SNW1: variants seen among roughly 807,000 people sequenced by gnomAD.
The protein encoded by SNW1 is SNW domain containing 1.
SNW1 carries 9 observed loss-of-function variants against 75.6 expected under a neutral mutation model. That is an observed-to-expected ratio of 0.12 (90% CI 0.07 to 0.21). SNW1 has a LOEUF of 0.21. Among genes scored for constraint, SNW1 ranks in the 10% least tolerant of loss-of-function variants. The pLI, the probability that SNW1 is intolerant of heterozygous loss-of-function variation, is 1.00. For synonymous variants in SNW1, 200 were observed against 219.1 expected (o/e 0.91, Z 0.77); for missense variants, 409 against 670.9 (o/e 0.61, Z 4.31).
chr14:77,738,827 C>G lies in SNW1; in HGVS notation c.484G>C (p.Ala162Pro). 7 of 1,614,192 alleles carry G rather than the reference C, an allele frequency of 4.3e-6. No individual in the cohort carries two copies. Among genetic ancestry groups the G allele is most frequent in the Non-Finnish European group, 5.9e-6 (7 of 1,180,032 alleles). Residue 162 changes from alanine to proline, a missense_variant, in exon 5 of 14, where the codon GCC becomes CCC. Ala to Pro is a conservative substitution (Grantham distance 27, BLOSUM62 -1). Coordinates refer to ENST00000261531, the MANE Select transcript of SNW1 (RefSeq NM_012245.3). ...TTGTCAGCTGCTCGAACTGGCATGG[C>G]TGCGGCGACCTTCTGTGATACAGAT... ...EKSVSQKVAA[A>P]MPVRAADKLA...
chr14:77,757,634 TACA>T (rs1000375505), intron 1 of SNW1, among the ~76,000 whole-genome samples: 2 of 152,178 alleles, frequency 1.3e-5, no homozygotes, highest in African/African-American at 2.4e-5. Context: ...ATACCACTAC[TACA>T]ACATTACCTT....
intron 1 of SNW1, among the ~76,000 whole-genome samples, chr14:77,758,929 C>A (rs1594812597): frequency 6.6e-6 from 1 of 152,330 alleles, no homozygotes; most frequent in Non-Finnish European, 1.5e-5. Context: ...TCAGATGTTA[C>A]AGGTTGAAGG....
At chr14:77,722,838 CTTTTT>C (rs773466539) in intron 11 of SNW1, 190 of 286,766 alleles carry the variant, frequency 6.6e-4, no homozygotes, top group East Asian at 1.1e-3. Context: ...TGGTACATAT[CTTTTT>C]TTTTTTTTTT....
chr14:77,761,155 A>C lies in SNW1; in HGVS notation c.-28T>G, dbSNP rs1213759168. The stretch of plus-strand genomic sequence containing the variant: ...TCTTCCGCTTCTTCCAGCGCGAGCG[A>C]CAGCACCGCTGGGCGGGTCTTTCCA... On this transcript the variant is annotated 5_prime_UTR_variant, in exon 1 of 14. Coordinates refer to ENST00000261531, the MANE Select transcript of SNW1 (RefSeq NM_012245.3). 3 of 1,614,248 alleles carry C rather than the reference A, an allele frequency of 1.9e-6. No homozygotes were observed. The highest frequency in any genetic ancestry group is 2.5e-6 in the Non-Finnish European group (3 of 1,180,038).
intron 2 of SNW1, among the ~76,000 whole-genome samples, chr14:77,751,805 G>C (rs923674859): frequency 2.1e-5 from 3 of 139,556 alleles, no homozygotes; most frequent in African/African-American, 5.4e-5. Context: ...GTCATGGGAA[G>C]ACACACACAC....
intron 2 of SNW1, among the ~76,000 whole-genome samples, chr14:77,753,323 T>C (rs943758538): frequency 9.2e-5 from 14 of 152,304 alleles, no homozygotes; most frequent in African/African-American, 3.4e-4. Flanking sequence ...GTCACCCTCA[T>C]TGTGCAATGT....
At chr14:77,738,606 C>T (rs2080692575) in intron 5 of SNW1, 172 bp downstream of exon 5, 1 of 605,646 alleles carries the variant, frequency 1.7e-6, no homozygotes, top group African/African-American at 1.9e-5. Context: ...AAAGTGGACA[C>T]CTTAAAAAAT....
intron 1 of SNW1, among the ~76,000 whole-genome samples, chr14:77,758,773 C>A (rs1232676427): frequency 2.0e-5 from 3 of 152,218 alleles, no homozygotes; most frequent in Admixed American, 6.5e-5. Context: ...TTTCACTCAA[C>A]AATCAACAAC....
chr14:77,739,549 A>G (rs2080700018), intron 3 of SNW1, among the ~76,000 whole-genome samples: 1 of 152,114 alleles, frequency 6.6e-6, no homozygotes. Flanking sequence ...TTCACAGACT[A>G]AGAAAATAAA....
Position 77,760,920 on chromosome 14 carries a change from G to C in SNW1, c.14+194C>G, listed in dbSNP as rs946426691. The C allele has an allele frequency of 6.9e-6, 9 of 1,310,974 alleles. No individual in the cohort carries two copies. In the African/African-American group the frequency reaches 1.2e-4, roughly 17 times the overall value. The allele number at this position is 1,310,974 out of a possible 1,614,324, so 81.2% of individuals were successfully genotyped here. A position where few individuals can be genotyped will look rare whatever the true frequency, so the allele number is the denominator to read the frequency against. The stretch of plus-strand genomic sequence containing the variant: ...TCGGTGAGCGGGTGAACTAAACCCG[G>C]GAAACCGCTGAAAGACCCCAGCTTC... On this transcript the variant is annotated intron_variant, in intron 1 of 13. Coordinates refer to ENST00000261531, the MANE Select transcript of SNW1 (RefSeq NM_012245.3).
intron 5 of SNW1, among the ~76,000 whole-genome samples, chr14:77,737,844 T>C (rs1476144878): frequency 6.7e-6 from 1 of 148,676 alleles, no homozygotes; most frequent in Non-Finnish European, 1.5e-5. Context: ...ATACAAAAAT[T>C]AGCTGAGCAT....
At chr14:77,751,823 C>T (rs901126509) in intron 2 of SNW1, among the ~76,000 whole-genome samples, 18 of 121,520 alleles carry the variant, frequency 1.5e-4, no homozygotes, top group African/African-American at 1.7e-4. Flanking sequence ...CACACACACA[C>T]ACACACACAC....
At chr14:77,759,030 T>C (rs1186802444) in intron 1 of SNW1, among the ~76,000 whole-genome samples, 1 of 152,254 alleles carries the variant, frequency 6.6e-6, no homozygotes, top group Non-Finnish European at 1.5e-5. Context: ...TCCCATGACC[T>C]CATCTTCAGG....
At chr14:77,729,604 T>C (rs1028156915) in intron 10 of SNW1, among the ~76,000 whole-genome samples, 17 of 152,162 alleles carry the variant, frequency 1.1e-4, no homozygotes, top group African/African-American at 3.9e-4. Context: ...GGAGATCTAA[T>C]ATACTGTATG....
At chr14:77,728,051 TAAAAA>T (rs60328090) in intron 10 of SNW1, among the ~76,000 whole-genome samples, 3 of 143,864 alleles carry the variant, frequency 2.1e-5, no homozygotes, top group African/African-American at 5.1e-5. Context: ...TGTTAATTGT[TAAAAA>T]AAAAAAAAAA....
At chr14:77,735,744 T>C (rs1207019325) in intron 7 of SNW1, among the ~76,000 whole-genome samples, 193 bp downstream of exon 7, 1 of 152,206 alleles carries the variant, frequency 6.6e-6, no homozygotes, top group African/African-American at 2.4e-5. Flanking sequence ...AGGGTTTGCA[T>C]TACTAATAAC....
At chr14:77,718,992 A>G (rs1259660183) in intron 12 of SNW1, among the ~76,000 whole-genome samples, 1 of 152,036 alleles carries the variant, frequency 6.6e-6, no homozygotes, top group Non-Finnish European at 1.5e-5. Context: ...AGCTCACTGG[A>G]GCTGTGACCT....
chr14:77,744,328 G>A (rs1441878958), intron 3 of SNW1, among the ~76,000 whole-genome samples: 3 of 150,290 alleles, frequency 2.0e-5, no homozygotes, highest in Non-Finnish European at 3.0e-5. Flanking sequence ...GGTGGTGTGC[G>A]CCTGTAATCC....
chr14:77,733,405 T>C (rs17752640), intron 8 of SNW1, among the ~76,000 whole-genome samples: 9,960 of 152,154 alleles, frequency 0.065, 393 homozygotes, highest in African/African-American at 0.096. Context: ...TCTGCTGTAC[T>C]GTCTTAATGA....
Sources: allele counts gnomAD v4.1 joint callset (sites outside exome capture counted in the v4.1 genomes callset), GRCh38; gene constraint gnomAD v4.1.1; transcripts MANE v1.5; gene names NCBI Gene and HGNC (gene_info 2026-07-23, HGNC 2026-07-21).